CADPS2: variants seen among roughly 807,000 people sequenced by gnomAD.
CADPS2 encodes calcium-dependent secretion activator 2.
A neutral mutation model predicts 172.5 loss-of-function variants in CADPS2; 93 were observed. The ratio of observed to expected loss-of-function variants is 0.54; its 90% CI spans 0.46 to 0.64. CADPS2 has a LOEUF of 0.64. CADPS2 is among the 30% of genes least tolerant of loss of function. The probability of loss-of-function intolerance (pLI) is 0.00; values close to 1 mark genes in which losing one functional copy is unlikely to be tolerated. For missense variants in CADPS2, 1,420 were observed against 1,565.9 expected (o/e 0.91, Z 1.57); for synonymous variants, 546 against 555.2 (o/e 0.98, Z 0.23).
chr7:122,500,037 C>T (rs1406035172), intron 9 of CADPS2, among the ~76,000 whole-genome samples: 1 of 152,172 alleles, frequency 6.6e-6, no homozygotes, highest in Non-Finnish European at 1.5e-5. Context: ...ATAGCTACCG[C>T]TGTGTAAAGT....
At chr7:122,700,123 T>C (rs775188629) in intron 2 of CADPS2, among the ~76,000 whole-genome samples, 1 of 152,174 alleles carries the variant, frequency 6.6e-6, no homozygotes, top group Non-Finnish European at 1.5e-5. Flanking sequence ...ACGCTGCTAC[T>C]GGTACACTTT....
intron 2 of CADPS2, among the ~76,000 whole-genome samples, chr7:122,691,218 T>C (rs2084314669): frequency 6.6e-6 from 1 of 152,192 alleles, no homozygotes; most frequent in African/African-American, 2.4e-5. Context: ...TGCCACACTC[T>C]TATGAGCCTG....
chr7:122,403,054 T>C (rs2046165023), intron 20 of CADPS2, among the ~76,000 whole-genome samples: 1 of 152,226 alleles, frequency 6.6e-6, no homozygotes, highest in Non-Finnish European at 1.5e-5. Flanking sequence ...TGGGGGCAGC[T>C]GCAGGTTGAC....
chr7:122,756,704 G>A (rs1458851613), intron 1 of CADPS2, among the ~76,000 whole-genome samples: 1 of 152,118 alleles, frequency 6.6e-6, no homozygotes, highest in Non-Finnish European at 1.5e-5. Flanking sequence ...TTCGAGACCA[G>A]CCTGACCAAT....
At chr7:122,362,167 G>A (rs1420231536) in intron 25 of CADPS2, among the ~76,000 whole-genome samples, 2 of 152,160 alleles carry the variant, frequency 1.3e-5, no homozygotes, top group East Asian at 3.9e-4. Flanking sequence ...ATGAGCTCTT[G>A]TAACTATGAC....
intron 27 of CADPS2, among the ~76,000 whole-genome samples, chr7:122,357,187 G>A (rs1034494354): frequency 2.6e-5 from 4 of 152,054 alleles, no homozygotes; most frequent in African/African-American, 9.7e-5. Context: ...CCTCTAACCT[G>A]ACTCTAACGG....
At chr7:122,693,469 G>C (rs540090186) in intron 2 of CADPS2, among the ~76,000 whole-genome samples, 78 of 152,270 alleles carry the variant, frequency 5.1e-4, no homozygotes, top group African/African-American at 1.8e-3. Context: ...AGGTTCTTTG[G>C]AACAGTCCTC....
intron 1 of CADPS2, among the ~76,000 whole-genome samples, chr7:122,822,987 G>C (rs1803820904): frequency 1.3e-5 from 2 of 152,000 alleles, no homozygotes; most frequent in Non-Finnish European, 2.9e-5. Flanking sequence ...CTCTTCACAT[G>C]GACACGCATG....
chr7:122,873,954 AATGT>A (rs1463102086), intron 1 of CADPS2, among the ~76,000 whole-genome samples: 3 of 151,880 alleles, frequency 2.0e-5, no homozygotes, highest in Non-Finnish European at 4.4e-5. Flanking sequence ...TGGCTGCATA[AATGT>A]ATTATTTTGA....
chr7:122,833,730 G>A (rs1807360777), intron 1 of CADPS2, among the ~76,000 whole-genome samples: 1 of 152,098 alleles, frequency 6.6e-6, no homozygotes, highest in Non-Finnish European at 1.5e-5. Context: ...AGAAAGAGAA[G>A]TGGTTAAGTA....
At chr7:122,620,436 G>A (rs1417309584) in intron 5 of CADPS2, among the ~76,000 whole-genome samples, 3 of 152,064 alleles carry the variant, frequency 2.0e-5, no homozygotes, top group Non-Finnish European at 4.4e-5. Context: ...GTGTGTATGT[G>A]TGTATGTGTT....
intron 2 of CADPS2, among the ~76,000 whole-genome samples, chr7:122,690,352 G>A (rs1348930445): frequency 1.3e-5 from 2 of 152,194 alleles, no homozygotes; most frequent in Admixed American, 1.3e-4. Flanking sequence ...GTTTATGATA[G>A]TCCACACAGA....
At chr7:122,629,455 C>G (rs2076374672) in intron 3 of CADPS2, 127 bp from the exon 4 acceptor site, 1 of 515,042 alleles carries the variant, frequency 1.9e-6, no homozygotes, top group Admixed American at 3.9e-5. Flanking sequence ...TAGATTGTAT[C>G]AGATATCTAT....
intron 17 of CADPS2, among the ~76,000 whole-genome samples, chr7:122,437,049 T>A (rs2050726275): frequency 6.6e-6 from 1 of 152,088 alleles, no homozygotes; most frequent in South Asian, 2.1e-4. Flanking sequence ...AAGGCTTTAA[T>A]ATGTCTATTT....
chr7:122,375,336 T>C (rs1168304741), intron 25 of CADPS2, among the ~76,000 whole-genome samples: 1 of 152,092 alleles, frequency 6.6e-6, no homozygotes, highest in Admixed American at 6.5e-5. Flanking sequence ...AAGTAAACAA[T>C]GTTAACTTTT....
chr7:122,654,210 G>C (rs1480535945), intron 3 of CADPS2, among the ~76,000 whole-genome samples: 1 of 152,182 alleles, frequency 6.6e-6, no homozygotes, highest in East Asian at 1.9e-4. Context: ...GGAAATGCAA[G>C]GTGAAGCAGC....
At chr7:122,484,940 C>T (rs1249200015) in intron 11 of CADPS2, among the ~76,000 whole-genome samples, 1 of 151,962 alleles carries the variant, frequency 6.6e-6, no homozygotes, top group African/African-American at 2.4e-5. Context: ...TGGTAATTCT[C>T]ACAGTATTTC....
At chr7:122,382,144 C>A (rs1303627739) in intron 24 of CADPS2, 1 of 151,998 alleles carries the variant, frequency 6.6e-6, no homozygotes, top group Admixed American at 6.6e-5. Flanking sequence ...ATTAGGGGAC[C>A]CAGGTAACTT....
At chr7:122,577,157 A>C in intron 7 of CADPS2, among the ~76,000 whole-genome samples, 1 of 151,984 alleles carries the variant, frequency 6.6e-6, no homozygotes, top group East Asian at 1.9e-4. Context: ...CATGACTGTA[A>C]GTTTCCTGAG....
Sources: allele counts gnomAD v4.1 joint callset (sites outside exome capture counted in the v4.1 genomes callset), GRCh38; gene constraint gnomAD v4.1.1; transcripts MANE v1.5; gene names NCBI Gene and HGNC (gene_info 2026-07-23, HGNC 2026-07-21).